PACRG: variants seen among roughly 807,000 people sequenced by gnomAD.
PACRG encodes the protein parkin coregulated.
Under a neutral mutation model 29.7 loss-of-function variants are expected in PACRG, and 29 were observed. The observed-to-expected ratio is 0.98, with a 90% CI of 0.73 to 1.33. The LOEUF (loss-of-function observed/expected upper bound fraction) is 1.33. PACRG is among the 40% of genes most tolerant of loss of function. The pLI, the probability that PACRG is intolerant of heterozygous loss-of-function variation, is 0.00. For synonymous variants in PACRG, 116 were observed against 118.7 expected (o/e 0.98, Z 0.15); for missense variants, 279 against 316.2 (o/e 0.88, Z 0.89).
intron 2 of PACRG, among the ~76,000 whole-genome samples, chr6:162,846,102 C>T (rs957619958): frequency 6.6e-6 from 1 of 152,160 alleles, no homozygotes; most frequent in African/African-American, 2.4e-5. Flanking sequence ...TGGACGGAAA[C>T]ACTGTGGCCT....
At chr6:163,252,026 G>T (rs1203100525) in intron 4 of PACRG, among the ~76,000 whole-genome samples, 4 of 152,212 alleles carry the variant, frequency 2.6e-5, no homozygotes, top group Non-Finnish European at 5.9e-5. Flanking sequence ...AGCTAAGCAC[G>T]GTGTCTCTGC....
intron 2 of PACRG, among the ~76,000 whole-genome samples, chr6:162,938,376 T>C (rs1798386983): frequency 6.6e-6 from 1 of 152,240 alleles, no homozygotes; most frequent in Non-Finnish European, 1.5e-5. Flanking sequence ...TGCAAGTATC[T>C]TTTTCGTATA....
In PACRG at chr6:163,239,727, TACAC is replaced by T. The variant is rs146153209; in HGVS notation, c.614-75093_614-75090del. On this transcript the variant is annotated intron_variant, in intron 4 of 4. Transcript: ENST00000366888. ...ATACACACACACGCACACTCCCACA[TACAC>T]ACACACTCACACTCCCACATGCACA... Among the ~76,000 whole-genome samples the T allele has an allele frequency of 7.7e-3, 867 of 112,844 alleles. 13 individuals carry two copies. The highest frequency in any genetic ancestry group is 0.028 in the African/African-American group (836 of 29,422). The allele number at this position is 112,844 out of a possible 152,430, so 74.0% of individuals were successfully genotyped here.
At chr6:162,957,187 G>A (rs1800115429) in intron 2 of PACRG, 2 of 322,818 alleles carry the variant, frequency 6.2e-6, no homozygotes, top group Non-Finnish European at 1.2e-5. Context: ...CTCACCTGGA[G>A]AATGGATGTG....
At chr6:163,224,229 C>T (rs1375409850) in intron 4 of PACRG, among the ~76,000 whole-genome samples, 2 of 151,664 alleles carry the variant, frequency 1.3e-5, no homozygotes, top group South Asian at 2.1e-4. Context: ...ATTAGCCAGG[C>T]ACAGTGACAG....
chr6:163,179,576 C>T (rs929358348), intron 4 of PACRG, among the ~76,000 whole-genome samples: 8 of 151,938 alleles, frequency 5.3e-5, no homozygotes, highest in South Asian at 2.1e-4. Flanking sequence ...TGTGTTGGCA[C>T]GTGCCTGTAG....
intron 2 of PACRG, among the ~76,000 whole-genome samples, chr6:162,902,679 C>T (rs771198515): frequency 1.1e-4 from 16 of 152,094 alleles, no homozygotes; most frequent in East Asian, 3.9e-4. Flanking sequence ...CAGGTAGAGA[C>T]GTTGTAATTG....
intron 4 of PACRG, among the ~76,000 whole-genome samples, chr6:163,206,563 G>GA (rs755145909): frequency 6.6e-6 from 1 of 152,144 alleles, no homozygotes; most frequent in Non-Finnish European, 1.5e-5. Flanking sequence ...TGGAGGCTGG[G>GA]AGAAGGGAGA....
At chr6:163,295,349 A>T (rs1358949130) in intron 4 of PACRG, among the ~76,000 whole-genome samples, 1 of 152,214 alleles carries the variant, frequency 6.6e-6, no homozygotes, top group Non-Finnish European at 1.5e-5. Context: ...GGCGACCATA[A>T]GGAATTTCTG....
chr6:162,897,662 G>A (rs921721281), intron 2 of PACRG, among the ~76,000 whole-genome samples: 14 of 152,244 alleles, frequency 9.2e-5, no homozygotes, highest in Non-Finnish European at 1.5e-4. Flanking sequence ...AGGTGCTGGA[G>A]AGGTCTGTAG....
intron 4 of PACRG, among the ~76,000 whole-genome samples, chr6:163,218,977 C>T (rs753566196): frequency 3.3e-5 from 5 of 152,244 alleles, no homozygotes; most frequent in Admixed American, 6.5e-5. Context: ...GCCCCCACTG[C>T]GCTTACTCCG....
Position 162,824,418 on chromosome 6 carries a change from T to A in PACRG, c.291+10137T>A, listed in dbSNP as rs1013116121. On this transcript the variant is annotated intron_variant, in intron 2 of 4. Coordinates refer to ENST00000366888, the MANE Select transcript of PACRG (RefSeq NM_001080379.2). Reference sequence around the variant, plus strand: ...TGCAAAACATAAGTTGACTATGAATTGTGGTTTTCCAATCCAATTCCATTG... The same window carrying A: ...TGCAAAACATAAGTTGACTATGAATAGTGGTTTTCCAATCCAATTCCATTG... Among the ~76,000 whole-genome samples, 3 of 152,188 alleles carry A rather than the reference T, an allele frequency of 2.0e-5. No individual in the cohort carries two copies. The South Asian group carries it at 6.2e-4, about 32-fold the overall frequency.
At chr6:163,217,525 C>T (rs747760817) in intron 4 of PACRG, among the ~76,000 whole-genome samples, 5 of 152,144 alleles carry the variant, frequency 3.3e-5, no homozygotes, top group African/African-American at 7.2e-5. Flanking sequence ...TAGGGGTTCC[C>T]GGGGTAGGGG....
chr6:162,857,854 T>C (rs954216308), intron 2 of PACRG, among the ~76,000 whole-genome samples: 3 of 152,116 alleles, frequency 2.0e-5, no homozygotes, highest in African/African-American at 7.2e-5. Flanking sequence ...TAAATGCAAC[T>C]GTGTTACCTG....
In PACRG at chr6:163,062,283, T is replaced by A; in HGVS notation, c.425T>A (p.Ile142Asn). 1 of 1,613,802 alleles carries A rather than the reference T, an allele frequency of 6.2e-7. No individual in the cohort carries two copies. Among genetic ancestry groups the A allele is most frequent in the South Asian group, 1.1e-5 (1 of 91,016 alleles). The change falls in exon 3 of 5, where the codon ATC becomes AAC. Residue 142 changes from isoleucine to asparagine, a missense_variant. Ile to Asn is a moderately radical substitution (Grantham distance 149). Transcript: ENST00000366888. Reference protein sequence around the residue: ...HDMLEHGGNKILPVLPQLIIP... With the variant: ...HDMLEHGGNKNLPVLPQLIIP... Reference sequence around the variant, plus strand: ...ATGCTGGAACACGGTGGGAACAAGATCCTACCTGTCCTTCCACAGCTCATT... The same window carrying A: ...ATGCTGGAACACGGTGGGAACAAGAACCTACCTGTCCTTCCACAGCTCATT...
intron 4 of PACRG, among the ~76,000 whole-genome samples, chr6:163,195,494 A>G (rs945045384): frequency 6.6e-6 from 1 of 152,026 alleles, no homozygotes; most frequent in Non-Finnish European, 1.5e-5. Flanking sequence ...CCCTTTCCAC[A>G]TGGCCCTAGA....
chr6:163,075,064 G>C (rs896738300), intron 3 of PACRG, among the ~76,000 whole-genome samples: 1 of 152,028 alleles, frequency 6.6e-6, no homozygotes, highest in Non-Finnish European at 1.5e-5. Flanking sequence ...AATAAAAAAG[G>C]AAGTGTCACA....
chr6:162,963,081 A>G (rs148534742), intron 2 of PACRG, among the ~76,000 whole-genome samples: 1 of 152,198 alleles, frequency 6.6e-6, no homozygotes, highest in Non-Finnish European at 1.5e-5. Flanking sequence ...TATAGGATAA[A>G]AATCAGAATA....
chr6:162,799,064 A>G (rs114666663), intron 1 of PACRG, among the ~76,000 whole-genome samples: 277 of 152,134 alleles, frequency 1.8e-3, no homozygotes, highest in African/African-American at 6.2e-3. Context: ...GTTACTGGGT[A>G]GATAAATGGC....
Sources: gnomAD v4.1 joint callset for allele counts (sites outside exome capture counted in the v4.1 genomes callset) on GRCh38, gnomAD v4.1.1 for gene constraint, MANE v1.5 for transcripts, NCBI Gene and HGNC (gene_info 2026-07-23, HGNC 2026-07-21) for gene names.